PGR: variants seen among roughly 807,000 people sequenced by gnomAD.
PGR encodes nuclear receptor subfamily 3 group C member 3.
In PGR, 25 loss-of-function variants were observed where a neutral mutation model predicts 76.1. The observed-to-expected ratio is 0.33, with a 90% CI of 0.24 to 0.46. The LOEUF (loss-of-function observed/expected upper bound fraction) is 0.46, where lower values mean the gene tolerates loss of function less well. Ranked by LOEUF, PGR falls within the 20% of genes least tolerant of loss-of-function variation. The pLI is 1.00. For synonymous variants in PGR, 579 were observed against 535.0 expected (o/e 1.08, Z -1.14); for missense variants, 1,172 against 1,225.3 (o/e 0.96, Z 0.65).
intron 3 of PGR, among the ~76,000 whole-genome samples, chr11:101,079,914 A>C (rs973076297): frequency 2.0e-5 from 3 of 152,186 alleles, no homozygotes; most frequent in South Asian, 4.1e-4. Context: ...ATCTCCAGGC[A>C]TCTGGAGCAC....
chr11:101,065,653 T>G (rs1364647580), intron 3 of PGR, among the ~76,000 whole-genome samples: 1 of 152,192 alleles, frequency 6.6e-6, no homozygotes, highest in Non-Finnish European at 1.5e-5. Context: ...TTGGGTAATC[T>G]AAGCAGAGAA....
At chr11:101,086,851 C>T (rs796657321) in intron 3 of PGR, among the ~76,000 whole-genome samples, 22 of 152,020 alleles carry the variant, frequency 1.4e-4, no homozygotes, top group African/African-American at 5.1e-4. Flanking sequence ...CACACACACA[C>T]AAAATACCTA....
rs2135517194 is a variant in PGR, at chr11:101,128,562, C to T, written c.509G>A (p.Cys170Tyr). 1 of 1,598,906 alleles carries T rather than the reference C, an allele frequency of 6.3e-7. No homozygotes were observed. Among genetic ancestry groups the T allele is most frequent in the East Asian group, 2.2e-5 (1 of 44,450 alleles). ...CGTCCCGGAGCTGTCTCCAACCTTG[C>T]ACCCGGACCGGCTCATGAGCGGGGA... ...VLSPLMSRSG[C>Y]KVGDSSGTAA... Residue 170 changes from cysteine (C) to tyrosine (Y), a missense_variant, in exon 1 of 8, where the codon TGC (cysteine) becomes TAC (tyrosine). By Grantham distance (194) the Cys-to-Tyr change is radical (BLOSUM62 -2). This residue lies in a region of PGR where 893 missense variants were observed against 785.9 expected (regional missense o/e 1.14). Transcript: ENST00000325455.
At chr11:101,101,524 C>A (rs1044000623) in intron 2 of PGR, among the ~76,000 whole-genome samples, 1 of 152,016 alleles carries the variant, frequency 6.6e-6, no homozygotes, top group African/African-American at 2.4e-5. Flanking sequence ...GAGAATCATC[C>A]TTTTGCAATT....
intron 3 of PGR, among the ~76,000 whole-genome samples, chr11:101,069,757 C>T (rs1325535495): frequency 1.3e-5 from 2 of 151,994 alleles, no homozygotes; most frequent in Non-Finnish European, 2.9e-5. Flanking sequence ...AACACAAGAA[C>T]AGAAAACCAA....
At chr11:101,118,206 A>C (rs1862568450) in intron 2 of PGR, among the ~76,000 whole-genome samples, 1 of 152,230 alleles carries the variant, frequency 6.6e-6, no homozygotes, top group Non-Finnish European at 1.5e-5. Flanking sequence ...AACTGAACAA[A>C]TCTTATCTGT....
intron 4 of PGR, among the ~76,000 whole-genome samples, chr11:101,053,011 A>T (rs1413893203): frequency 6.6e-6 from 1 of 152,160 alleles, no homozygotes; most frequent in African/African-American, 2.4e-5. Flanking sequence ...TATGGGCTAA[A>T]AATATTAATA....
chr11:101,095,810 T>A (rs1252024751), intron 2 of PGR, among the ~76,000 whole-genome samples: 1 of 152,210 alleles, frequency 6.6e-6, no homozygotes, highest in Non-Finnish European at 1.5e-5. Context: ...CACATCTAAA[T>A]CTCAAATATA....
chr11:101,072,983 A>C (rs1860996629), intron 3 of PGR, among the ~76,000 whole-genome samples: 1 of 152,216 alleles, frequency 6.6e-6, no homozygotes, highest in South Asian at 2.1e-4. Context: ...CCTAAGAGAC[A>C]TCTACAGAAC....
chr11:101,036,184 T>C lies in PGR; in HGVS notation c.*2932A>G, dbSNP rs1306477146. On this transcript the variant is annotated 3_prime_UTR_variant, in exon 8 of 8. Coordinates refer to ENST00000325455, the MANE Select transcript of PGR (RefSeq NM_000926.4). ...ACATTCCATGGCTACTTACAAGGCATAGTTTTGGCAAAAAAAATATTGTTC... is the reference window on the plus strand; with the variant it reads ...ACATTCCATGGCTACTTACAAGGCACAGTTTTGGCAAAAAAAATATTGTTC... 1.4e-5 allele frequency: 3 copies of C among 221,150 alleles called. No homozygotes were observed. The highest frequency in any genetic ancestry group is 6.7e-5 in the African/African-American group (3 of 44,678). 13.7% of individuals were successfully genotyped at this position (221,150 alleles called of 1,614,324 possible). A position where few individuals can be genotyped will look rare whatever the true frequency, so the allele number is the denominator to read the frequency against.
At chr11:101,040,459 G>C (rs959201985) in intron 7 of PGR, among the ~76,000 whole-genome samples, 1 of 152,010 alleles carries the variant, frequency 6.6e-6, no homozygotes, top group African/African-American at 2.4e-5. Flanking sequence ...GTAAACTCTA[G>C]GAGACCTTGC....
At chr11:101,113,451 A>G (rs1290875701) in intron 2 of PGR, among the ~76,000 whole-genome samples, 1 of 148,986 alleles carries the variant, frequency 6.7e-6, no homozygotes, top group African/African-American at 2.5e-5. Context: ...TATTTTTAGT[A>G]GAGACGGGGT....
chr11:101,124,410 G>T (rs373108042), intron 2 of PGR, among the ~76,000 whole-genome samples: 56 of 152,152 alleles, frequency 3.7e-4, no homozygotes, highest in African/African-American at 1.3e-3. Context: ...ATTTACAAGC[G>T]CTGCAATGTA....
At chr11:101,115,981 T>C (rs1862493828) in intron 2 of PGR, among the ~76,000 whole-genome samples, 1 of 152,238 alleles carries the variant, frequency 6.6e-6, no homozygotes, top group African/African-American at 2.4e-5. Context: ...AGAGCAACAC[T>C]TAATAAAACA....
intron 2 of PGR, among the ~76,000 whole-genome samples, chr11:101,105,351 G>C (rs1387172864): frequency 1.3e-5 from 2 of 152,152 alleles, no homozygotes; most frequent in Non-Finnish European, 1.5e-5. Context: ...GAGACTGTCA[G>C]GAGACCACTG....
chr11:101,062,058 A>T (rs1038040754), intron 4 of PGR, among the ~76,000 whole-genome samples: 1 of 152,172 alleles, frequency 6.6e-6, no homozygotes, highest in Non-Finnish European at 1.5e-5. Context: ...GACTTTATAC[A>T]TTCAGTTTTA....
intron 5 of PGR, 80 bp from the exon 6 acceptor site, chr11:101,050,139 G>A: frequency 6.9e-7 from 1 of 1,442,374 alleles, no homozygotes; most frequent in Non-Finnish European, 9.6e-7. Flanking sequence ...AATTTATCAG[G>A]GAATATGGTT....
intron 4 of PGR, among the ~76,000 whole-genome samples, chr11:101,059,842 CAAAA>C (rs781123527): frequency 1.6e-5 from 1 of 62,804 alleles, no homozygotes; most frequent in Non-Finnish European, 3.2e-5. Flanking sequence ...GACCCTCTCT[CAAAA>C]AAAAAAAAAA....
chr11:101,068,921 G>A (rs1860819278), intron 3 of PGR, among the ~76,000 whole-genome samples: 1 of 152,160 alleles, frequency 6.6e-6, no homozygotes, highest in Admixed American at 6.5e-5. Flanking sequence ...AACCTTGGAA[G>A]AAAACCTAGG....
Sources: allele counts gnomAD v4.1 joint callset (sites outside exome capture counted in the v4.1 genomes callset), GRCh38; gene constraint gnomAD v4.1.1; regional missense constraint gnomAD v4.1.1; transcripts MANE v1.5; gene names NCBI Gene and HGNC (gene_info 2026-07-23, HGNC 2026-07-21).